The following NOSIP variants were observed in gnomAD, a reference collection of about 807,000 sequenced individuals.
NOSIP encodes the protein nitric oxide synthase-interacting protein.
A neutral mutation model predicts 36.4 loss-of-function variants in NOSIP; 25 were observed. That is an observed-to-expected ratio of 0.69 (90% CI 0.50 to 0.96). The LOEUF (loss-of-function observed/expected upper bound fraction) is 0.96. Ranked by LOEUF, NOSIP falls within the 40% of genes least tolerant of loss-of-function variation. NOSIP has a pLI of 0.00. For missense variants in NOSIP, 370 were observed against 429.0 expected, an observed-to-expected ratio of 0.86 and a Z score of 1.21; for synonymous variants, 187 against 179.2, an observed-to-expected ratio of 1.04 and a Z score of -0.35.
At chr19:49,572,406 C>CTTTTTTT (rs35209614) in intron 1 of NOSIP, among the ~76,000 whole-genome samples, 2 of 97,934 alleles carry the variant, frequency 2.0e-5, no homozygotes, top group African/African-American at 4.5e-5. Flanking sequence ...TGCACCCAGC[C>CTTTTTTT]TTTTTTTTTT....
chr19:49,579,654 G>C lies in NOSIP; in HGVS notation c.-2+861C>G, dbSNP rs114856668. Among the ~76,000 whole-genome samples, 567 of 152,246 alleles carry C rather than the reference G, an allele frequency of 3.7e-3. 4 individuals carry two copies. The highest frequency in any genetic ancestry group is 0.013 in the African/African-American group (548 of 41,528). ...ACACTCACGCTATTTTCCATAATTA[G>C]ATGTTGTTTGATTGTAGATTCACGA... is the stretch of plus-strand genomic sequence containing the variant. On this transcript the variant is annotated intron_variant, in intron 1 of 8. Coordinates refer to ENST00000596358, the MANE Select transcript of NOSIP (RefSeq NM_001270960.2).
chr19:49,557,331 G>C, intron 4 of NOSIP, 82 bp from the exon 5 acceptor site: 2 of 1,481,912 alleles, frequency 1.3e-6, no homozygotes, highest in South Asian at 2.6e-5. Context: ...GTAAACTGAG[G>C]CCCACAAAGG....
chr19:49,578,265 AG>A (rs1401613662), intron 1 of NOSIP, among the ~76,000 whole-genome samples: 1 of 151,936 alleles, frequency 6.6e-6, no homozygotes, highest in Non-Finnish European at 1.5e-5. Flanking sequence ...CTGGGATTAT[AG>A]GTGCCAGCCA....
At chr19:49,561,819 G>C (rs1405624876) in intron 1 of NOSIP, among the ~76,000 whole-genome samples, 1 of 151,514 alleles carries the variant, frequency 6.6e-6, no homozygotes, top group Non-Finnish European at 1.5e-5. Flanking sequence ...GGAGGCAGGG[G>C]TTGCAGTGAG....
chr19:49,559,016 A>G (rs773752957), intron 3 of NOSIP, 38 bp from the exon 4 acceptor site: 1 of 1,562,480 alleles, frequency 6.4e-7, no homozygotes, highest in East Asian at 2.2e-5. Context: ...AAAGAAAGTG[A>G]TCCTCCCGCC....
In NOSIP at chr19:49,560,240, A is replaced by T. The variant is rs2080314166; in HGVS notation, c.71-201T>A. 1.7e-6 allele frequency: 1 copy of T among 588,478 alleles called. No homozygotes were observed. Among genetic ancestry groups the T allele is most frequent in the Non-Finnish European group, 3.0e-6 (1 of 329,510 alleles). The allele number at this position is 588,478 out of a possible 1,614,324, so 36.5% of individuals were successfully genotyped here. A position where few individuals can be genotyped will look rare whatever the true frequency, so the allele number is the denominator to read the frequency against. On this transcript the variant is annotated intron_variant, in intron 2 of 8. Transcript: ENST00000596358. The surrounding 1 kb of genome is among the most constrained non-coding windows in gnomAD (Gnocchi z 4.6). ...GGAGTTGTCAACCCTGGAGGGTGAG[A>T]GGCAGACAGGCCTGGTCACTGAGTG...
chr19:49,558,934 A>G lies in NOSIP; in HGVS notation c.221T>C (p.Ile74Thr). Residue 74 changes from isoleucine to threonine, a missense_variant, in exon 4 of 9, where the codon ATT (isoleucine) becomes ACT (threonine). Transcript: ENST00000596358. ...GGCAATCTCCTTCTTCTGGTGCAGA[A>G]TGTACTCCAGGATGGCCTCACGCTC... ...LYEREAILEY[I>T]LHQKKEIARQ... 1 of 1,614,098 alleles carries G rather than the reference A, an allele frequency of 6.2e-7. No individual in the cohort carries two copies. Among genetic ancestry groups the G allele is most frequent in the Middle Eastern group, 1.7e-4 (1 of 6,056 alleles).
chr19:49,578,902 C>T (rs976126111), intron 1 of NOSIP, among the ~76,000 whole-genome samples: 32 of 151,298 alleles, frequency 2.1e-4, no homozygotes, highest in African/African-American at 7.5e-4. Context: ...GGATTACAGG[C>T]ATGAGCCACT....
In NOSIP at chr19:49,560,093, C is replaced by G. The variant is rs1376921758; in HGVS notation, c.71-54G>C. On this transcript the variant is annotated intron_variant, in intron 2 of 8. Transcript: ENST00000596358. This position sits in a 1 kb window ranked among gnomAD's most constrained non-coding sequence, Gnocchi z 4.6. ...AGGGGCGGAGCAACAGGAGACATGT[C>G]CGTCTCCAAAGCCCCAGAGAGAGGC... 8.1e-7 allele frequency: 1 copy of G among 1,235,564 alleles called. No individual in the cohort carries two copies. Among genetic ancestry groups the G allele is most frequent in the Non-Finnish European group, 1.2e-6 (1 of 856,274 alleles). 76.5% of individuals were successfully genotyped at this position (1,235,564 alleles called of 1,614,324 possible). A position where few individuals can be genotyped will look rare whatever the true frequency, so the allele number is the denominator to read the frequency against.
chr19:49,555,582 C>A lies in NOSIP; in HGVS notation c.*169G>T. The A allele has an allele frequency of 1.7e-6, 1 of 581,980 alleles. No homozygotes were observed. The highest frequency in any genetic ancestry group is 3.1e-6 in the Non-Finnish European group (1 of 320,904). The allele number at this position is 581,980 out of a possible 1,614,324, so 36.1% of individuals were successfully genotyped here. On this transcript the variant is annotated 3_prime_UTR_variant, in exon 9 of 9. Transcript: ENST00000596358. ...CCAGATTTTGTTCTTAATGTGAGAC[C>A]ACATTCAATATGCTTAGCCCGCTCT...
At chr19:49,559,069 G>C in intron 3 of NOSIP, 91 bp from the exon 4 acceptor site, 1 of 989,952 alleles carries the variant, frequency 1.0e-6, no homozygotes, top group Non-Finnish European at 1.6e-6. Flanking sequence ...AAGTCATCAT[G>C]ATCAGTCCCA....
intron 3 of NOSIP, chr19:49,559,609 T>C (rs1375215546): frequency 2.9e-6 from 1 of 343,124 alleles, no homozygotes; most frequent in Non-Finnish European, 5.5e-6. Flanking sequence ...ATTTAGTGCC[T>C]GGACTCAGCA....
At chr19:49,580,077 G>A (rs2080605889) in intron 1 of NOSIP, among the ~76,000 whole-genome samples, 1 of 150,584 alleles carries the variant, frequency 6.6e-6, no homozygotes. Flanking sequence ...ATGGATGACT[G>A]CACAATCTAG....
At chr19:49,559,107 A>T in intron 3 of NOSIP, 129 bp from the exon 4 acceptor site, 1 of 753,218 alleles carries the variant, frequency 1.3e-6, no homozygotes, top group East Asian at 2.5e-5. Flanking sequence ...GAATTCACAG[A>T]ACTCAGCAAA....
At position 49,560,519 on chromosome 19, in the gene NOSIP, C is replaced by A. The variant is rs562615128; in HGVS notation, c.70+103G>T. ...CATGGCCATCAGTGTATATCGGGGG[C>A]GGGAGAGAGACAGGGACAGAGGAAG... On this transcript the variant is annotated intron_variant, in intron 2 of 8. Transcript: ENST00000596358. The surrounding 1 kb of genome is among the most constrained non-coding windows in gnomAD (Gnocchi z 4.6). 134 of 823,890 alleles carry A rather than the reference C, an allele frequency of 1.6e-4. No individual in the cohort carries two copies. The highest frequency in any genetic ancestry group is 2.6e-4 in the Non-Finnish European group (130 of 496,540). The allele number at this position is 823,890 out of a possible 1,614,324, so 51.0% of individuals were successfully genotyped here. A position where few individuals can be genotyped will look rare whatever the true frequency, so the allele number is the denominator to read the frequency against.
intron 1 of NOSIP, among the ~76,000 whole-genome samples, chr19:49,576,884 CAAAAAAAAAA>C (rs58441193): frequency 2.1e-5 from 1 of 47,382 alleles, no homozygotes. Context: ...AACTCTGTCT[CAAAAAAAAAA>C]AAAAAAAAAA....
chr19:49,567,452 G>A (rs936512058), intron 1 of NOSIP, among the ~76,000 whole-genome samples: 26 of 151,960 alleles, frequency 1.7e-4, no homozygotes, highest in Non-Finnish European at 1.0e-4. Flanking sequence ...TTTACTAGTT[G>A]CTCTCCATAC....
intron 1 of NOSIP, among the ~76,000 whole-genome samples, chr19:49,570,104 A>G (rs2080465611): frequency 8.1e-6 from 1 of 122,702 alleles, no homozygotes; most frequent in Admixed American, 7.3e-5. Context: ...CACTCATCTC[A>G]AAAAATAAAG....
rs1568408610 is a variant in NOSIP, at chr19:49,568,802, GTTTGTTTGTTT to G, written c.-1-8121_-1-8111del. 5.0e-3 allele frequency among the ~76,000 whole-genome samples: 576 copies of G among 115,016 alleles called. 38 individuals carry two copies. Among genetic ancestry groups the G allele is most frequent in the African/African-American group, 0.03 (553 of 18,734 alleles). The allele number at this position is 115,016 out of a possible 152,430, so 75.5% of individuals were successfully genotyped here. ...TCTAAAAAAAAAAAAAAAATAGTTT[GTTTGTTTGTTT>G]TTTTTTTTGAGACAGAGTCTTGCTC... is the stretch of plus-strand genomic sequence containing the variant. On this transcript the variant is annotated intron_variant, in intron 1 of 8. Transcript: ENST00000596358.
Sources: allele counts gnomAD v4.1 joint callset (sites outside exome capture counted in the v4.1 genomes callset), GRCh38; gene constraint gnomAD v4.1.1; non-coding constraint Gnocchi (gnomAD v3.1); transcripts MANE v1.5; gene names NCBI Gene and HGNC (gene_info 2026-07-23, HGNC 2026-07-21).